Variants in TMEM9 observed in about 807,000 individuals in gnomAD.
TMEM9 encodes proton-transporting V-type ATPase complex assembly regulator TMEM9.
Under a neutral mutation model 22.8 loss-of-function variants are expected in TMEM9, and 13 were observed. That is an observed-to-expected ratio of 0.57 (90% confidence interval 0.37 to 0.91). The LOEUF (loss-of-function observed/expected upper bound fraction) is 0.91, where lower values mean the gene tolerates loss of function less well. TMEM9 is among the 40% of genes least tolerant of loss of function. TMEM9 has a pLI of 0.01. For missense variants in TMEM9, 182 were observed against 238.1 expected (o/e 0.76, Z 1.55); for synonymous variants, 88 against 93.0 (o/e 0.95, Z 0.31).
chr1:201,154,214 G>A lies in TMEM9; in HGVS notation c.-291C>T, dbSNP rs892799627. The A allele has an allele frequency of 1.4e-5, 5 of 361,142 alleles. No individual in the cohort carries two copies. In the Admixed American group the frequency reaches 2.2e-4, roughly 16 times the overall value. 22.4% of individuals were successfully genotyped at this position (361,142 alleles called of 1,614,324 possible). A position where few individuals can be genotyped will look rare whatever the true frequency, so the allele number is the denominator to read the frequency against. On this transcript the variant is annotated 5_prime_UTR_variant, in exon 1 of 5. Transcript: ENST00000367330. ...CCAGGGGCCTCCAGTTCCTTCTCAA[G>A]GCCCGGCTCTGACCCGCGCATCACG...
chr1:201,150,391 T>A (rs142782456), intron 2 of TMEM9, among the ~76,000 whole-genome samples: 1 of 152,354 alleles, frequency 6.6e-6, no homozygotes, highest in Admixed American at 6.5e-5. Context: ...AACATTTATA[T>A]AAGCATTTAC....
chr1:201,143,217 A>C (rs1664677966), intron 4 of TMEM9, among the ~76,000 whole-genome samples: 1 of 152,180 alleles, frequency 6.6e-6, no homozygotes, highest in African/African-American at 2.4e-5. Context: ...GGGACTTTTA[A>C]TAATGTGACC....
rs568356615 is a variant in TMEM9 at position 201,140,123 on chromosome 1, G to A, written c.399+3697C>T. ...CCTCAGTGGCCCGAGTCTTCTCCCC[G>A]GTGCCTGCATGTTCCAGTTCCCATC... On this transcript the variant is annotated intron_variant, in intron 4 of 4. Transcript: ENST00000367330. Among the ~76,000 whole-genome samples, 151 of 152,286 alleles carry A rather than the reference G, an allele frequency of 9.9e-4. 6 individuals carry two copies. In the South Asian group the frequency reaches 0.028, roughly 28 times the overall value.
chr1:201,160,831 G>T (rs1665924997), intron 1 of TMEM9, among the ~76,000 whole-genome samples: 1 of 151,788 alleles, frequency 6.6e-6, no homozygotes, highest in African/African-American at 2.4e-5. Flanking sequence ...AGCTACTGCG[G>T]AGGCTGAGGC....
intron 1 of TMEM9, among the ~76,000 whole-genome samples, chr1:201,160,556 T>G (rs1665914679): frequency 6.6e-6 from 1 of 151,844 alleles, no homozygotes; most frequent in Non-Finnish European, 1.5e-5. Flanking sequence ...GCCATTGCAC[T>G]TCAGCCTAGG....
chr1:201,144,609 A>AT (rs146458483), intron 3 of TMEM9: 22,726 of 152,234 alleles, frequency 0.15, 1,807 homozygotes, highest in Non-Finnish European at 0.18. Context: ...AGCTGGAGTC[A>AT]TTTTGTTTTT....
intron 2 of TMEM9, among the ~76,000 whole-genome samples, chr1:201,150,968 T>G (rs1320260133): frequency 6.6e-6 from 1 of 152,164 alleles, no homozygotes; most frequent in African/African-American, 2.4e-5. Context: ...CTGCCTAGAT[T>G]AGAAATGCTC....
chr1:201,145,258 G>T (rs182081946), intron 3 of TMEM9: 2 of 152,288 alleles, frequency 1.3e-5, no homozygotes, highest in East Asian at 1.9e-4. Context: ...GTTCCCTCCC[G>T]GCCAAACAGG....
At chr1:201,144,182 G>C in intron 3 of TMEM9, 1 of 485,504 alleles carries the variant, frequency 2.1e-6, no homozygotes, top group Non-Finnish European at 3.7e-6. Context: ...CTGCACAGCA[G>C]GCATCACGAC....
chr1:201,140,482 T>G (rs1664427385), intron 4 of TMEM9, among the ~76,000 whole-genome samples: 1 of 152,224 alleles, frequency 6.6e-6, no homozygotes, highest in African/African-American at 2.4e-5. Context: ...ACTGAGGCTC[T>G]GCCAGCGCTT....
chr1:201,156,542 C>T (rs113316990), upstream of TMEM9, among the ~76,000 whole-genome samples: 15 of 152,292 alleles, frequency 9.8e-5, no homozygotes, highest in African/African-American at 1.7e-4. Flanking sequence ...CTCCCCCCAC[C>T]GGCTGTCCCT....
Position 201,153,954 on chromosome 1 carries a change from G to A in TMEM9, c.-31C>T. Reference sequence around the variant, plus strand: ...TCAGGCTTGCTGGGCCAGCAAAGCCGGACACCTGGAAAAAGAGATACGGAG... The same window carrying A: ...TCAGGCTTGCTGGGCCAGCAAAGCCAGACACCTGGAAAAAGAGATACGGAG... On this transcript the variant is annotated 5_prime_UTR_variant, in exon 1 of 5. Coordinates refer to ENST00000367330, the MANE Select transcript of TMEM9 (RefSeq NM_001288565.2). 1.3e-6 allele frequency: 2 copies of A among 1,588,256 alleles called. No homozygotes were observed. Among genetic ancestry groups the A allele is most frequent in the Non-Finnish European group, 8.6e-7 (1 of 1,166,796 alleles).
intron 1 of TMEM9, among the ~76,000 whole-genome samples, chr1:201,168,880 C>T (rs1666144638): frequency 6.6e-6 from 1 of 151,958 alleles, no homozygotes; most frequent in African/African-American, 2.4e-5. Flanking sequence ...CAGCCTTGAC[C>T]TCTTGGGCTC....
chr1:201,135,494 AAAATAGCCAAGTAC>A lies in TMEM9; in HGVS notation c.*155_*168del. 3 of 671,024 alleles carry A rather than the reference AAAATAGCCAAGTAC, an allele frequency of 4.5e-6. No homozygotes were observed. The highest frequency in any genetic ancestry group is 7.1e-6 in the Non-Finnish European group (3 of 425,266). The allele number at this position is 671,024 out of a possible 1,614,324, so 41.6% of individuals were successfully genotyped here. A position where few individuals can be genotyped will look rare whatever the true frequency, so the allele number is the denominator to read the frequency against. ...GAGACCACATCCCTCTTCCCTAATC[AAAATAGCCAAGTAC>A]AACATTTCTAAAGTTAGGGAGAAGG... On this transcript the variant is annotated 3_prime_UTR_variant, in exon 5 of 5. Coordinates refer to ENST00000367330, the MANE Select transcript of TMEM9 (RefSeq NM_001288565.2).
In TMEM9 at chr1:201,153,886, A is replaced by G. The variant is rs1307261675; in HGVS notation, c.38T>C (p.Leu13Ser). The part of the protein sequence containing the change: ...LLSLVAVVGC[L>S]LVPPAEANKS... ...GTTGGCTTCAGCTGGGGGCACCAGC[A>G]AACACCCGACCACAGCCACCAAAGA... is the stretch of plus-strand genomic sequence containing the variant. The change falls in exon 1 of 5, where the codon TTG (leucine) becomes TCG (serine). Residue 13 changes from leucine (L) to serine (S), a missense_variant. Transcript: ENST00000367330. 6.2e-7 allele frequency: 1 copy of G among 1,614,122 alleles called. No individual in the cohort carries two copies. Among genetic ancestry groups the G allele is most frequent in the Admixed American group, 1.7e-5 (1 of 60,028 alleles).
At chr1:201,137,439 G>A (rs1664103762) in intron 4 of TMEM9, among the ~76,000 whole-genome samples, 1 of 148,004 alleles carries the variant, frequency 6.8e-6, no homozygotes, top group Non-Finnish European at 1.5e-5. Context: ...TCTGCTATAC[G>A]GTCATTAGGA....
intron 4 of TMEM9, among the ~76,000 whole-genome samples, chr1:201,137,081 G>A (rs903036055): frequency 3.3e-5 from 5 of 152,234 alleles, no homozygotes; most frequent in African/African-American, 1.2e-4. Context: ...CGTTAGAGAT[G>A]GACACTGCCT....
In TMEM9 at chr1:201,146,741, T is replaced by C. The variant is rs1378630586; in HGVS notation, c.266A>G (p.Lys89Arg). 1.2e-6 allele frequency: 2 copies of C among 1,614,068 alleles called. No homozygotes were observed. Among genetic ancestry groups the C allele is most frequent in the African/African-American group, 1.3e-5 (1 of 74,932 alleles). The change falls in exon 3 of 5, where the codon AAG becomes AGG. Residue 89 changes from lysine (K) to arginine (R), a missense_variant and splice_region_variant. Coordinates refer to ENST00000367330, the MANE Select transcript of TMEM9 (RefSeq NM_001288565.2). Reference sequence around the variant, plus strand: ...GGCTTCCTGAGACCCTGGCGTTACCTTGATGGTGGTGGTGCTGCGCTCCTC... The same window carrying C: ...GGCTTCCTGAGACCCTGGCGTTACCCTGATGGTGGTGGTGCTGCGCTCCTC... ...RYEERSTTTI[K>R]VIIVIYLSVV...
chr1:201,135,905 C>T, intron 4 of TMEM9, 90 bp from the exon 5 acceptor site: 1 of 1,349,078 alleles, frequency 7.4e-7, no homozygotes, highest in African/African-American at 1.5e-5. Context: ...GAACGAACCC[C>T]AAAGCCTTAC....
Sources: gnomAD v4.1 joint callset for allele counts (sites outside exome capture counted in the v4.1 genomes callset) on GRCh38, gnomAD v4.1.1 for gene constraint, MANE v1.5 for transcripts, NCBI Gene and HGNC (gene_info 2026-07-23, HGNC 2026-07-21) for gene names.